PLPPR4: variants seen among roughly 807,000 people sequenced by gnomAD.
PLPPR4 encodes the protein phospholipid phosphatase-related protein type 4.
PLPPR4 carries 24 observed loss-of-function variants against 56.6 expected under a neutral mutation model. That is an observed-to-expected ratio of 0.42 (90% CI 0.31 to 0.60). The LOEUF (loss-of-function observed/expected upper bound fraction) is 0.60, where lower values mean the gene tolerates loss of function less well. Ranked by LOEUF, PLPPR4 falls within the 20% of genes least tolerant of loss-of-function variation. The pLI is 0.13. For synonymous variants in PLPPR4, 326 were observed against 328.1 expected (o/e 0.99, Z 0.07); for missense variants, 654 against 885.8 (o/e 0.74, Z 3.32).
chr1:99,307,049 C>A lies in PLPPR4; in HGVS notation c.*39C>A, dbSNP rs1660049632. 1 of 1,540,126 alleles carries A rather than the reference C, an allele frequency of 6.5e-7. No individual in the cohort carries two copies. The highest frequency in any genetic ancestry group is 1.2e-5 in the South Asian group (1 of 80,194). ...CATCATTAGGGCTACTCGCAAAAGACCATATGTTGATTCTACCTGTGTTCT... is the reference window on the plus strand; with the variant it reads ...CATCATTAGGGCTACTCGCAAAAGAACATATGTTGATTCTACCTGTGTTCT... On this transcript the variant is annotated 3_prime_UTR_variant, in exon 7 of 7. Coordinates refer to ENST00000370185, the MANE Select transcript of PLPPR4 (RefSeq NM_014839.5).
chr1:99,305,751 A>T lies in PLPPR4; in HGVS notation c.889A>T (p.Arg297Trp), dbSNP rs766921691. The change falls in exon 7 of 7, where the codon AGG becomes TGG. Residue 297 changes from arginine to tryptophan, a missense_variant. Physicochemically the swap from Arg to Trp is moderately radical, Grantham distance 101 (BLOSUM62 -3). Coordinates refer to ENST00000370185, the MANE Select transcript of PLPPR4 (RefSeq NM_014839.5). Reference sequence around the variant, plus strand: ...TATGTTTCAGCACAGAGACGCCCTCAGGTCTCTGACAGACCTCAATCAAGA... The same window carrying T: ...TATGTTTCAGCACAGAGACGCCCTCTGGTCTCTGACAGACCTCAATCAAGA... ...ESMFQHRDAL[R>W]SLTDLNQDPN... 1.2e-6 allele frequency: 2 copies of T among 1,613,874 alleles called. No homozygotes were observed.
intron 1 of PLPPR4, among the ~76,000 whole-genome samples, chr1:99,269,021 C>T (rs935899239): frequency 1.3e-5 from 2 of 152,158 alleles, no homozygotes; most frequent in African/African-American, 4.8e-5. Flanking sequence ...TGGTTTGCTG[C>T]ACCCATCAAC....
intron 1 of PLPPR4, among the ~76,000 whole-genome samples, chr1:99,267,766 A>C (rs1658938597): frequency 6.6e-6 from 1 of 152,212 alleles, no homozygotes; most frequent in South Asian, 2.1e-4. Flanking sequence ...ATTTCTAGAA[A>C]TAGTTTGGGC....
intron 1 of PLPPR4, among the ~76,000 whole-genome samples, chr1:99,281,219 C>T (rs1027021728): frequency 6.6e-6 from 1 of 152,112 alleles, no homozygotes; most frequent in Non-Finnish European, 1.5e-5. Flanking sequence ...TCCCAAATCC[C>T]AAAAGCTGGC....
chr1:99,292,388 G>T (rs72980834), intron 2 of PLPPR4, among the ~76,000 whole-genome samples: 2,391 of 152,180 alleles, frequency 0.016, 64 homozygotes, highest in African/African-American at 0.055. Context: ...GAGAGATTTG[G>T]CATTAAAACT....
intron 2 of PLPPR4, among the ~76,000 whole-genome samples, chr1:99,288,989 A>G (rs1659546810): frequency 1.3e-5 from 2 of 152,120 alleles, no homozygotes; most frequent in South Asian, 2.1e-4. Context: ...AATTCAAAAC[A>G]TAGTTGTTTT....
chr1:99,308,089 A>G lies in PLPPR4; in HGVS notation c.*1079A>G, dbSNP rs533094743. The G allele has an allele frequency of 1.3e-5, 2 of 152,212 alleles. No homozygotes were observed. The highest frequency in any genetic ancestry group is 2.9e-5 in the Non-Finnish European group (2 of 68,034). 9.4% of individuals were successfully genotyped at this position (152,212 alleles called of 1,614,324 possible). A position where few individuals can be genotyped will look rare whatever the true frequency, so the allele number is the denominator to read the frequency against. On this transcript the variant is annotated 3_prime_UTR_variant, in exon 7 of 7. Coordinates refer to ENST00000370185, the MANE Select transcript of PLPPR4 (RefSeq NM_014839.5). The stretch of plus-strand genomic sequence containing the variant: ...CCTTAGATGTCTACAACTAGCTGGC[A>G]TAGGTTGCCATCTTAACAAGTAATC...
intron 2 of PLPPR4, among the ~76,000 whole-genome samples, chr1:99,290,643 C>A (rs1010304020): frequency 1.3e-5 from 2 of 151,914 alleles, no homozygotes; most frequent in East Asian, 3.9e-4. Flanking sequence ...AGACTGCACA[C>A]CTACAACTAT....
At chr1:99,299,312 CTT>C in intron 4 of PLPPR4, 82 bp downstream of exon 4, 1 of 945,048 alleles carries the variant, frequency 1.1e-6, no homozygotes, top group Non-Finnish European at 1.6e-6. Context: ...AAGCATGCCT[CTT>C]TCAGTCATAA....
At position 99,296,745 on chromosome 1, in the gene PLPPR4, T is replaced by C. The variant is rs141841343; in HGVS notation, c.272T>C (p.Val91Ala). ...ACCCTTCTATCTTTGCAGATTATGG[T>C]AGGAGAAGGAATTCTCTACTGTTGC... is the stretch of plus-strand genomic sequence containing the variant. Reference protein sequence around the residue: ...AFAGPAITIMVGEGILYCCLS... With the variant: ...AFAGPAITIMAGEGILYCCLS... The change falls in exon 3 of 7, where the codon GTA (valine) becomes GCA (alanine). Residue 91 changes from valine to alanine, a missense_variant. Around this residue, in one of 2 missense-constraint regions of PLPPR4, gnomAD observed 186 missense variants for 331.4 expected, o/e 0.56. Transcript: ENST00000370185. 121 of 1,599,236 alleles carry C rather than the reference T, an allele frequency of 7.6e-5. No homozygotes were observed. Among genetic ancestry groups the C allele is most frequent in the Non-Finnish European group, 9.8e-5 (115 of 1,170,642 alleles).
At chr1:99,266,452 C>T (rs1451457336) in intron 1 of PLPPR4, among the ~76,000 whole-genome samples, 1 of 152,218 alleles carries the variant, frequency 6.6e-6, no homozygotes, top group Admixed American at 6.5e-5. Context: ...GCATCTTTAA[C>T]CGGAGTACAT....
At chr1:99,298,769 C>T in intron 3 of PLPPR4, 5 of 602,908 alleles carry the variant, frequency 8.3e-6, no homozygotes, top group African/African-American at 1.9e-5. Flanking sequence ...TGACAAGTGA[C>T]TTACAGTTAA....
intron 1 of PLPPR4, among the ~76,000 whole-genome samples, chr1:99,275,272 A>G (rs754433101): frequency 2.2e-4 from 34 of 152,116 alleles, no homozygotes; most frequent in Admixed American, 9.8e-4. Flanking sequence ...TTAAGACCTC[A>G]TTTGGTTTCT....
rs1005630097 is a variant in PLPPR4 at position 99,264,797 on chromosome 1, G to T, written c.78+126G>T. ...CGCGCGCGGCTGTCCCCAAATGCCC[G>T]ACCCTCCCCTCTTCCCCTAGATTTC... is the stretch of plus-strand genomic sequence containing the variant. On this transcript the variant is annotated intron_variant, in intron 1 of 6. Coordinates refer to ENST00000370185, the MANE Select transcript of PLPPR4 (RefSeq NM_014839.5). 14 of 916,318 alleles carry T rather than the reference G, an allele frequency of 1.5e-5. No individual in the cohort carries two copies. The African/African-American group carries it at 2.3e-4, about 15-fold the overall frequency. The allele number at this position is 916,318 out of a possible 1,614,324, so 56.8% of individuals were successfully genotyped here.
chr1:99,275,157 CATAA>C (rs1157139408), intron 1 of PLPPR4, among the ~76,000 whole-genome samples: 1 of 152,076 alleles, frequency 6.6e-6, no homozygotes, highest in Non-Finnish European at 1.5e-5. Flanking sequence ...AAGATTTGGA[CATAA>C]ATAATGTCTT....
At chr1:99,298,194 A>G (rs1412228706) in intron 3 of PLPPR4, among the ~76,000 whole-genome samples, 2 of 152,106 alleles carry the variant, frequency 1.3e-5, no homozygotes. Flanking sequence ...AATGATTTCT[A>G]TGAGCAACTC....
chr1:99,265,156 C>G (rs1015454904), intron 1 of PLPPR4, among the ~76,000 whole-genome samples: 1 of 107,416 alleles, frequency 9.3e-6, no homozygotes, highest in Non-Finnish European at 1.9e-5. Context: ...CCCCCCCCCC[C>G]AAATCCTTCT....
intron 3 of PLPPR4, among the ~76,000 whole-genome samples, chr1:99,297,887 C>T (rs1269245795): frequency 2.0e-5 from 3 of 152,110 alleles, no homozygotes; most frequent in Admixed American, 6.6e-5. Context: ...TACCCTCTCT[C>T]GACTGGAAGG....
chr1:99,289,667 G>A (rs949940950), intron 2 of PLPPR4, among the ~76,000 whole-genome samples: 1 of 151,822 alleles, frequency 6.6e-6, no homozygotes, highest in Non-Finnish European at 1.5e-5. Context: ...TTTTACCAGG[G>A]CAGAAAAACA....
Sources: allele counts gnomAD v4.1 joint callset (sites outside exome capture counted in the v4.1 genomes callset), GRCh38; gene constraint gnomAD v4.1.1; regional missense constraint gnomAD v4.1.1; transcripts MANE v1.5; gene names NCBI Gene and HGNC (gene_info 2026-07-23, HGNC 2026-07-21).